The following ARL13B variants were observed in gnomAD, a reference collection of about 807,000 sequenced individuals.
ARL13B encodes ARF like GTPase 13B.
Under a neutral mutation model 56.1 loss-of-function variants are expected in ARL13B, and 36 were observed. The ratio of observed to expected loss-of-function variants is 0.64; its 90% CI spans 0.49 to 0.85. The LOEUF (loss-of-function observed/expected upper bound fraction) is 0.85, where lower values mean the gene tolerates loss of function less well. ARL13B is among the 40% of genes least tolerant of loss of function. ARL13B has a pLI of 0.00. For missense variants in ARL13B, 519 were observed against 507.1 expected, an observed-to-expected ratio of 1.02 and a Z score of -0.23; for synonymous variants, 178 against 171.1, an observed-to-expected ratio of 1.04 and a Z score of -0.32.
At chr3:94,034,135 TATC>T (rs1466622008) in intron 3 of ARL13B, among the ~76,000 whole-genome samples, 1 of 152,142 alleles carries the variant, frequency 6.6e-6, no homozygotes, top group Non-Finnish European at 1.5e-5. Context: ...GTGATAGTGG[TATC>T]ATGGTAATGA....
chr3:93,980,831 G>A (rs906956698), intron 1 of ARL13B, among the ~76,000 whole-genome samples: 4 of 151,994 alleles, frequency 2.6e-5, no homozygotes, highest in Non-Finnish European at 5.9e-5. Context: ...TAAAAAGAGG[G>A]GGACATGGAA....
At chr3:93,996,985 C>G (rs1349647364) in intron 2 of ARL13B, among the ~76,000 whole-genome samples, 1 of 152,034 alleles carries the variant, frequency 6.6e-6, no homozygotes, top group African/African-American at 2.4e-5. Flanking sequence ...ACCATGAACC[C>G]TATGTGAACT....
In ARL13B at chr3:93,996,015, G is replaced by T. The variant is rs1378743978; in HGVS notation, c.130+71G>T. On this transcript the variant is annotated intron_variant, in intron 2 of 9. Transcript: ENST00000394222. Reference sequence around the variant, plus strand: ...TCTGAATTATTTATTTTGTTAAGTTGCTTTATTCCTTATTAATTTGGTACA... The same window carrying T: ...TCTGAATTATTTATTTTGTTAAGTTTCTTTATTCCTTATTAATTTGGTACA... The T allele has an allele frequency of 2.1e-6, 3 of 1,455,290 alleles. No individual in the cohort carries two copies. The African/African-American group carries it at 4.3e-5, about 21-fold the overall frequency. 90.1% of individuals were successfully genotyped at this position (1,455,290 alleles called of 1,614,324 possible). A position where few individuals can be genotyped will look rare whatever the true frequency, so the allele number is the denominator to read the frequency against.
rs1405947522 is a variant in ARL13B, at chr3:93,980,375, G to A, written c.-49G>A. On this transcript the variant is annotated 5_prime_UTR_variant, in exon 1 of 10. Coordinates refer to ENST00000394222, the MANE Select transcript of ARL13B (RefSeq NM_001174150.2). Reference sequence around the variant, plus strand: ...GGCCCCCGGGGAAGAGCGGGGTGCCGGTGTCCGCTCCGGGCTCGGATGGGA... The same window carrying A: ...GGCCCCCGGGGAAGAGCGGGGTGCCAGTGTCCGCTCCGGGCTCGGATGGGA... 1.9e-6 allele frequency: 3 copies of A among 1,606,244 alleles called. No homozygotes were observed. The highest frequency in any genetic ancestry group is 2.5e-6 in the Non-Finnish European group (3 of 1,178,390).
rs544624815 is a variant in ARL13B, at chr3:93,985,794, A to C, written c.59+5312A>C. Among the ~76,000 whole-genome samples the C allele has an allele frequency of 3.9e-5, 6 of 152,276 alleles. No individual in the cohort carries two copies. In the East Asian group the frequency reaches 1.2e-3, roughly 29 times the overall value. On this transcript the variant is annotated intron_variant, in intron 1 of 9. Transcript: ENST00000394222. ...TTTAATTGGAACTGATTTCTTGTCC[A>C]TCTGTGTTTTTTCAGCATCACAAAT...
At chr3:93,986,967 G>A (rs900225462) in intron 1 of ARL13B, among the ~76,000 whole-genome samples, 9 of 151,694 alleles carry the variant, frequency 5.9e-5, no homozygotes, top group African/African-American at 2.2e-4. Flanking sequence ...ATGAGACTCC[G>A]TCTCTAAAAA....
At chr3:94,053,016 T>C (rs2077090555) in intron 9 of ARL13B, among the ~76,000 whole-genome samples, 171 bp from the exon 10 acceptor site, 1 of 152,186 alleles carries the variant, frequency 6.6e-6, no homozygotes. Context: ...TCTCTTAAGA[T>C]TTAAAATGCA....
At chr3:94,018,896 G>A (rs886549903) in intron 3 of ARL13B, among the ~76,000 whole-genome samples, 1 of 152,068 alleles carries the variant, frequency 6.6e-6, no homozygotes, top group East Asian at 1.9e-4. Flanking sequence ...CTCCCGAGTG[G>A]CTGGGACTAC....
chr3:94,046,978 T>G (rs2076993957), intron 7 of ARL13B, among the ~76,000 whole-genome samples: 1 of 152,174 alleles, frequency 6.6e-6, no homozygotes, highest in African/African-American at 2.4e-5. Flanking sequence ...GACTCTCTTA[T>G]CTACTAGATA....
intron 3 of ARL13B, among the ~76,000 whole-genome samples, chr3:94,026,875 C>T (rs2076568540): frequency 6.6e-6 from 1 of 152,060 alleles, no homozygotes; most frequent in South Asian, 2.1e-4. Flanking sequence ...AAAGAAAGAA[C>T]ACTAACTCGT....
At chr3:94,041,031 A>G (rs2076851983) in intron 6 of ARL13B, among the ~76,000 whole-genome samples, 1 of 152,152 alleles carries the variant, frequency 6.6e-6, no homozygotes, top group South Asian at 2.1e-4. Context: ...CTTTGAAACT[A>G]CAATTTCAAG....
At chr3:94,023,756 T>C (rs1297229900) in intron 3 of ARL13B, among the ~76,000 whole-genome samples, 2 of 152,156 alleles carry the variant, frequency 1.3e-5, no homozygotes, top group Non-Finnish European at 2.9e-5. Flanking sequence ...TAGTGAAATA[T>C]ACACAAATAA....
intron 4 of ARL13B, 83 bp from the exon 5 acceptor site, chr3:94,036,469 T>A (rs2076769444): frequency 1.4e-6 from 2 of 1,385,424 alleles, no homozygotes; most frequent in Non-Finnish European, 2.0e-6. Flanking sequence ...AATTTTGATT[T>A]GCCATTAATT....
At chr3:93,996,682 C>A in intron 2 of ARL13B, 1 of 417,964 alleles carries the variant, frequency 2.4e-6, no homozygotes, top group Non-Finnish European at 4.8e-6. Flanking sequence ...CCAGCCCGGC[C>A]AGGTAATCTT....
intron 1 of ARL13B, among the ~76,000 whole-genome samples, chr3:93,988,027 G>A (rs1043694412): frequency 6.6e-6 from 1 of 152,116 alleles, no homozygotes; most frequent in African/African-American, 2.4e-5. Flanking sequence ...TCAAGAGCCA[G>A]TATCTACAAG....
chr3:94,021,664 A>G (rs1253637883), intron 3 of ARL13B, among the ~76,000 whole-genome samples: 3 of 152,174 alleles, frequency 2.0e-5, no homozygotes, highest in Admixed American at 6.5e-5. Flanking sequence ...TCTTTTCAGT[A>G]TAGAGAAAAT....
intron 2 of ARL13B, among the ~76,000 whole-genome samples, chr3:93,998,967 A>G (rs1220887021): frequency 1.1e-4 from 17 of 148,968 alleles, no homozygotes; most frequent in Admixed American, 1.1e-3. Flanking sequence ...AGAAAAAGTT[A>G]TCTGCTAGTT....
chr3:94,054,264 A>C lies in ARL13B; in HGVS notation c.*1001A>C, dbSNP rs538413974. 7.3e-4 allele frequency: 330 copies of C among 452,120 alleles called. 4 individuals are homozygous for C. Among genetic ancestry groups the C allele is most frequent in the South Asian group, 2.8e-3 (176 of 63,960 alleles). 28.0% of individuals were successfully genotyped at this position (452,120 alleles called of 1,614,324 possible). ...CAGGTCCAGAGACTTCTGTTTTACAACTGGGAAACAGCTTGTGTACTAAAG... is the reference window on the plus strand; with the variant it reads ...CAGGTCCAGAGACTTCTGTTTTACACCTGGGAAACAGCTTGTGTACTAAAG... On this transcript the variant is annotated 3_prime_UTR_variant, in exon 10 of 10. Coordinates refer to ENST00000394222, the MANE Select transcript of ARL13B (RefSeq NM_001174150.2).
chr3:93,982,903 C>T (rs1192297618), intron 1 of ARL13B, among the ~76,000 whole-genome samples: 1 of 152,134 alleles, frequency 6.6e-6, no homozygotes, highest in Non-Finnish European at 1.5e-5. Context: ...GAGAGGTGAG[C>T]AAGCTAATTT....
Sources: gnomAD v4.1 joint callset for allele counts (sites outside exome capture counted in the v4.1 genomes callset) on GRCh38, gnomAD v4.1.1 for gene constraint, MANE v1.5 for transcripts, NCBI Gene and HGNC (gene_info 2026-07-23, HGNC 2026-07-21) for gene names.